The following PTCHD4 variants were observed in gnomAD, a reference collection of about 807,000 sequenced individuals.
PTCHD4 encodes the protein patched domain containing 4.
Under a neutral mutation model 58.1 loss-of-function variants are expected in PTCHD4, and 33 were observed. The observed-to-expected ratio is 0.57, with a 90% CI of 0.43 to 0.76. The LOEUF (loss-of-function observed/expected upper bound fraction) is 0.76. Ranked by LOEUF, PTCHD4 falls within the 30% of genes least tolerant of loss-of-function variation. The pLI is 0.00. For missense variants in PTCHD4, 1,058 were observed against 1,027.1 expected (o/e 1.03, Z -0.41); for synonymous variants, 478 against 409.6 (o/e 1.17, Z -2.02).
chr6:48,107,978 T>TA (rs1238150422), intron 1 of PTCHD4, among the ~76,000 whole-genome samples: 2 of 152,048 alleles, frequency 1.3e-5, no homozygotes, highest in African/African-American at 4.8e-5. Context: ...TGTGGAGAAA[T>TA]AGGAACACTT....
At chr6:48,012,298 G>A (rs1458294558) in intron 3 of PTCHD4, among the ~76,000 whole-genome samples, 1 of 152,152 alleles carries the variant, frequency 6.6e-6, no homozygotes, top group South Asian at 2.1e-4. Context: ...TGCATTGTAA[G>A]TTGTATTCCT....
chr6:47,924,293 C>G (rs757764664), intron 4 of PTCHD4, among the ~76,000 whole-genome samples: 1 of 152,002 alleles, frequency 6.6e-6, no homozygotes, highest in Non-Finnish European at 1.5e-5. Context: ...AGTCGAGATT[C>G]ACTTTAGAGT....
chr6:48,053,618 C>A (rs182178543), intron 3 of PTCHD4, among the ~76,000 whole-genome samples: 314 of 152,238 alleles, frequency 2.1e-3, no homozygotes, highest in African/African-American at 6.5e-3. Flanking sequence ...CATGAGTCTA[C>A]ATATTTCCTT....
intron 4 of PTCHD4, among the ~76,000 whole-genome samples, chr6:47,904,691 A>G (rs539031966): frequency 8.5e-5 from 13 of 152,336 alleles, no homozygotes; most frequent in African/African-American, 2.6e-4. Context: ...GTATGAAAAT[A>G]TGATTAGTCT....
At chr6:47,902,551 A>G (rs757367784) in intron 4 of PTCHD4, among the ~76,000 whole-genome samples, 6 of 152,214 alleles carry the variant, frequency 3.9e-5, no homozygotes, top group Admixed American at 6.5e-5. Flanking sequence ...ATTTAAATTG[A>G]TAATGAAATG....
At chr6:47,917,426 C>A (rs965744303) in intron 4 of PTCHD4, among the ~76,000 whole-genome samples, 1 of 152,112 alleles carries the variant, frequency 6.6e-6, no homozygotes, top group Non-Finnish European at 1.5e-5. Flanking sequence ...CAATGGCTCT[C>A]ACATATACAA....
chr6:48,022,917 GAA>G lies in PTCHD4; in HGVS notation c.418-13805_418-13804del, dbSNP rs200391385. 2.7e-5 allele frequency among the ~76,000 whole-genome samples: 4 copies of G among 149,918 alleles called. No individual in the cohort carries two copies. The South Asian group carries it at 6.4e-4, about 24-fold the overall frequency. On this transcript the variant is annotated intron_variant, in intron 3 of 4. Transcript: ENST00000339488. ...TTCTTTGTTTTTAATTTCTTGAAAG[GAA>G]AAAAAAAGCATTGCCTTTCTGGTTG...
intron 4 of PTCHD4, among the ~76,000 whole-genome samples, chr6:47,942,129 G>A (rs537492417): frequency 6.6e-6 from 1 of 152,132 alleles, no homozygotes; most frequent in South Asian, 2.1e-4. Context: ...GAATGATTTA[G>A]GGCTGCTTAT....
At chr6:48,022,301 T>G (rs567339227) in intron 3 of PTCHD4, among the ~76,000 whole-genome samples, 2 of 151,812 alleles carry the variant, frequency 1.3e-5, no homozygotes, top group East Asian at 3.9e-4. Context: ...AAAGCCACAG[T>G]GAGGGATAAT....
chr6:47,915,718 A>G (rs62397938), intron 4 of PTCHD4, among the ~76,000 whole-genome samples: 1,649 of 152,206 alleles, frequency 0.011, 16 homozygotes, highest in South Asian at 0.024. Context: ...TATAATTACC[A>G]TCTTTATTAG....
At position 47,879,056 on chromosome 6, in the gene PTCHD4, C is replaced by T; in HGVS notation, c.1779G>A (p.Lys593=). ...CAATGATATTGCTTTCATCCCCTGC[C>T]TTGGAGAAGATGATATCATTTCGAA... The part of the protein sequence containing the change: ...QHFRNDIIFS[K]AGDESNIIAS... Residue 593 remains lysine, a synonymous_variant, in exon 5 of 5, where the codon AAG becomes AAA. Transcript: ENST00000339488. 3 of 1,613,522 alleles carry T rather than the reference C, an allele frequency of 1.9e-6. No individual in the cohort carries two copies. Among genetic ancestry groups the T allele is most frequent in the Non-Finnish European group, 2.5e-6 (3 of 1,179,750 alleles).
chr6:47,906,320 T>C (rs1764882353), intron 4 of PTCHD4, among the ~76,000 whole-genome samples: 1 of 152,230 alleles, frequency 6.6e-6, no homozygotes, highest in Non-Finnish European at 1.5e-5. Context: ...CAAGAATGTT[T>C]TCCTGCTGCT....
chr6:48,108,620 TAAATA>T (rs1765797903), intron 1 of PTCHD4, among the ~76,000 whole-genome samples: 1 of 151,492 alleles, frequency 6.6e-6, no homozygotes, highest in Admixed American at 6.6e-5. Flanking sequence ...AAAAAATAAA[TAAATA>T]AAAATAAAAA....
At position 47,931,234 on chromosome 6, in the gene PTCHD4, C is replaced by T. The variant is rs904726049; in HGVS notation, c.899-51298G>A. The stretch of plus-strand genomic sequence containing the variant: ...CACCACGAACAGGAGGGGGCTGCAG[C>T]CATGTCTAAAATGATCACCAGTCTT... On this transcript the variant is annotated intron_variant, in intron 4 of 4. Transcript: ENST00000339488. Among the ~76,000 whole-genome samples, 3 of 152,210 alleles carry T rather than the reference C, an allele frequency of 2.0e-5. No individual in the cohort carries two copies. In the East Asian group the frequency reaches 5.8e-4, roughly 29 times the overall value.
intron 4 of PTCHD4, among the ~76,000 whole-genome samples, chr6:47,966,824 CACTTCTA>C (rs2113979947): frequency 6.6e-6 from 1 of 152,296 alleles, no homozygotes; most frequent in African/African-American, 2.4e-5. Context: ...TTTCAGGCTT[CACTTCTA>C]ATTCTAGTTG....
intron 4 of PTCHD4, among the ~76,000 whole-genome samples, chr6:47,893,156 G>A (rs753304273): frequency 1.3e-5 from 2 of 152,036 alleles, no homozygotes; most frequent in Non-Finnish European, 1.5e-5. Flanking sequence ...GACTACAGGC[G>A]TGTGCCACCA....
chr6:47,971,847 G>A (rs1016165505), intron 4 of PTCHD4, among the ~76,000 whole-genome samples: 3 of 152,160 alleles, frequency 2.0e-5, no homozygotes, highest in African/African-American at 7.2e-5. Context: ...GTGACTAGAT[G>A]ACTGGCTCAA....
At chr6:48,007,693 G>A (rs1208143320) in intron 4 of PTCHD4, among the ~76,000 whole-genome samples, 2 of 152,140 alleles carry the variant, frequency 1.3e-5, no homozygotes, top group Non-Finnish European at 2.9e-5. Context: ...GCCCTAAGAT[G>A]TCTAATATGA....
At chr6:48,078,282 C>A (rs1279649477) in intron 1 of PTCHD4, among the ~76,000 whole-genome samples, 4 of 152,104 alleles carry the variant, frequency 2.6e-5, no homozygotes, top group Non-Finnish European at 5.9e-5. Context: ...TTGCACAATA[C>A]CAAACAGAGA....
Sources: allele counts gnomAD v4.1 joint callset (sites outside exome capture counted in the v4.1 genomes callset), GRCh38; gene constraint gnomAD v4.1.1; transcripts MANE v1.5; gene names NCBI Gene and HGNC (gene_info 2026-07-23, HGNC 2026-07-21).